FER: variants seen among roughly 807,000 people sequenced by gnomAD.
FER encodes the protein FER tyrosine kinase.
Under a neutral mutation model 111.0 loss-of-function variants are expected in FER, and 63 were observed. The ratio of observed to expected loss-of-function variants is 0.57; its 90% confidence interval spans 0.46 to 0.70. The LOEUF is 0.70. FER is among the 30% of genes least tolerant of loss of function. The pLI, the probability that FER is intolerant of heterozygous loss-of-function variation, is 0.00. For synonymous variants in FER, 327 were observed against 313.9 expected, an observed-to-expected ratio of 1.04 and a Z score of -0.44; for missense variants, 914 against 954.0, an observed-to-expected ratio of 0.96 and a Z score of 0.55.
chr5:108,820,568 A>G (rs1483673236), intron 3 of FER: 3 of 982,614 alleles, frequency 3.1e-6, no homozygotes, highest in Non-Finnish European at 3.6e-6. Context: ...TTCTGTGTTT[A>G]GATACTTAGA....
chr5:109,064,662 A>G (rs1009204278), intron 16 of FER, among the ~76,000 whole-genome samples: 2 of 152,196 alleles, frequency 1.3e-5, no homozygotes, highest in Admixed American at 1.3e-4. Context: ...GATGGCATTT[A>G]TACCTATGAG....
At chr5:109,007,731 C>T (rs952377556) in intron 13 of FER, among the ~76,000 whole-genome samples, 2 of 152,066 alleles carry the variant, frequency 1.3e-5, no homozygotes, top group Admixed American at 6.6e-5. Flanking sequence ...TCATTTAAAG[C>T]GTTTTATGTC....
chr5:108,997,760 A>G (rs1180061059), intron 13 of FER, among the ~76,000 whole-genome samples: 1 of 152,068 alleles, frequency 6.6e-6, no homozygotes, highest in Non-Finnish European at 1.5e-5. Context: ...GCTCTGTTTC[A>G]TGAAGATGGG....
At chr5:109,012,726 C>T (rs996889629) in intron 13 of FER, among the ~76,000 whole-genome samples, 11 of 152,198 alleles carry the variant, frequency 7.2e-5, no homozygotes, top group African/African-American at 2.7e-4. Context: ...CTCAGCATAA[C>T]TGCTAATTAC....
At chr5:109,065,412 G>A (rs1774961576) in intron 16 of FER, among the ~76,000 whole-genome samples, 1 of 152,178 alleles carries the variant, frequency 6.6e-6, no homozygotes, top group African/African-American at 2.4e-5. Context: ...GTCAGCATTA[G>A]CCAAAGATAT....
intron 17 of FER, among the ~76,000 whole-genome samples, chr5:109,124,296 C>T (rs1751388042): frequency 6.6e-6 from 1 of 152,160 alleles, no homozygotes; most frequent in South Asian, 2.1e-4. Context: ...TTATAATAAG[C>T]AATTGGAAGG....
At chr5:108,828,040 ATT>A (rs987373733) in intron 3 of FER, among the ~76,000 whole-genome samples, 1 of 148,960 alleles carries the variant, frequency 6.7e-6, no homozygotes, top group African/African-American at 2.5e-5. Flanking sequence ...TTGATTAAAA[ATT>A]TTTTTTTTGT....
At position 109,095,773 on chromosome 5, in the gene FER, A is replaced by T. The variant is rs1242143916; in HGVS notation, c.1925-4623A>T. On this transcript the variant is annotated intron_variant, in intron 16 of 19. Transcript: ENST00000281092. The stretch of plus-strand genomic sequence containing the variant: ...AAAAATAAGAATTCTGAATAATGAC[A>T]TAAATGGACCCCCAAAATAGTTCTC... Among the ~76,000 whole-genome samples, 3 of 152,140 alleles carry T rather than the reference A, an allele frequency of 2.0e-5. 1 individual carries two copies. The highest frequency in any genetic ancestry group is 4.8e-5 in the African/African-American group (2 of 41,434).
intron 9 of FER, among the ~76,000 whole-genome samples, chr5:108,890,738 G>A (rs567535793): frequency 8.5e-4 from 129 of 152,056 alleles, no homozygotes; most frequent in Middle Eastern, 3.4e-3. Context: ...ATCTTCCTGG[G>A]GGATACAATT....
intron 17 of FER, among the ~76,000 whole-genome samples, chr5:109,143,020 AAGC>A (rs781075200): frequency 3.9e-5 from 6 of 152,060 alleles, no homozygotes; most frequent in Admixed American, 6.6e-5. Flanking sequence ...TTTGTGGAAA[AAGC>A]AGCAACCTTG....
At chr5:109,071,496 C>T (rs907294977) in intron 16 of FER, among the ~76,000 whole-genome samples, 1 of 151,902 alleles carries the variant, frequency 6.6e-6, no homozygotes, top group African/African-American at 2.4e-5. Context: ...AAATAAATGC[C>T]TTGTAATTTT....
At position 109,020,049 on chromosome 5, in the gene FER, C is replaced by A. The variant is rs553034947; in HGVS notation, c.1657-17373C>A. On this transcript the variant is annotated intron_variant, in intron 13 of 19. Transcript: ENST00000281092. ...GCTTTGCAGTGCAACTGTTTTTCAC[C>A]AAGTTTGACCTCTTAACACGCCCAC... 2.6e-4 allele frequency among the ~76,000 whole-genome samples: 39 copies of A among 151,856 alleles called. 1 individual carries two copies. Among genetic ancestry groups the A allele is most frequent in the Middle Eastern group, 3.4e-3 (1 of 294 alleles).
intron 17 of FER, among the ~76,000 whole-genome samples, chr5:109,147,930 C>G (rs545689443): frequency 2.0e-5 from 3 of 151,524 alleles, no homozygotes; most frequent in African/African-American, 7.3e-5. Flanking sequence ...CAATCACTTT[C>G]GTAACTAGAG....
At chr5:109,156,594 C>T (rs1346184468) in intron 17 of FER, among the ~76,000 whole-genome samples, 1 of 151,630 alleles carries the variant, frequency 6.6e-6, no homozygotes, top group African/African-American at 2.4e-5. Context: ...TCTAGAAAGA[C>T]CCTATAGACT....
chr5:108,897,801 C>A lies in FER; in HGVS notation c.1189C>A (p.Pro397Thr), dbSNP rs1054650516. ...KVQENDGKEP[P>T]PVVNYEEDAR... ...GCAAGAAAATGATGGGAAAGAGCCACCTCCAGTAGTAAATTATGAAGAAGA... is the reference window on the plus strand; with the variant it reads ...GCAAGAAAATGATGGGAAAGAGCCAACTCCAGTAGTAAATTATGAAGAAGA... Residue 397 changes from proline (P) to threonine (T), a missense_variant, in exon 10 of 20, where the codon CCT becomes ACT. Around this residue, in one of 3 missense-constraint regions of FER, gnomAD observed 774 missense variants for 782.6 expected, o/e 0.99. Transcript: ENST00000281092. 6.2e-7 allele frequency: 1 copy of A among 1,612,944 alleles called. No individual in the cohort carries two copies. Among genetic ancestry groups the A allele is most frequent in the Non-Finnish European group, 8.5e-7 (1 of 1,179,538 alleles).
chr5:109,091,064 A>G (rs954555767), intron 16 of FER, among the ~76,000 whole-genome samples: 1 of 152,224 alleles, frequency 6.6e-6, no homozygotes, highest in African/African-American at 2.4e-5. Flanking sequence ...TTGTAAAAGA[A>G]TGGGAGAAAC....
At chr5:108,801,526 A>G (rs945314832) in intron 3 of FER, among the ~76,000 whole-genome samples, 2 of 152,222 alleles carry the variant, frequency 1.3e-5, no homozygotes, top group African/African-American at 2.4e-5. Context: ...GTCCATCAGA[A>G]TATGTTTCTT....
At chr5:108,785,066 C>T (rs903349451) in intron 2 of FER, 25 of 396,774 alleles carry the variant, frequency 6.3e-5, no homozygotes, top group Middle Eastern at 5.5e-4. Context: ...GTCTTGTGTT[C>T]GCTTCTTGCC....
intron 10 of FER, among the ~76,000 whole-genome samples, chr5:108,941,475 G>A (rs759349078): frequency 1.3e-5 from 2 of 152,094 alleles, no homozygotes; most frequent in Non-Finnish European, 2.9e-5. Flanking sequence ...TAATATAGCC[G>A]TTACAAAAAT....
Sources: allele counts gnomAD v4.1 joint callset (sites outside exome capture counted in the v4.1 genomes callset), GRCh38; gene constraint gnomAD v4.1.1; regional missense constraint gnomAD v4.1.1; transcripts MANE v1.5; gene names NCBI Gene and HGNC (gene_info 2026-07-23, HGNC 2026-07-21).